Variants in UGT1A8 observed in about 807,000 individuals in gnomAD.
UGT1A8 encodes UDP-glucuronosyltransferase 1A8.
A neutral mutation model predicts 45.3 loss-of-function variants in UGT1A8; 39 were observed. The observed-to-expected ratio is 0.86, with a 90% CI of 0.67 to 1.12. The LOEUF (loss-of-function observed/expected upper bound fraction) is 1.12, where lower values mean the gene tolerates loss of function less well. Ranked by LOEUF, UGT1A8 falls within the 50% of genes most tolerant of loss-of-function variation. The pLI, the probability that UGT1A8 is intolerant of heterozygous loss-of-function variation, is 0.00. For synonymous variants in UGT1A8, 275 were observed against 249.2 expected (o/e 1.10, Z -0.97); for missense variants, 719 against 664.9 (o/e 1.08, Z -0.90).
At chr2:233,700,178 C>A (rs1315960228) in intron 1 of UGT1A8, among the ~76,000 whole-genome samples, 2 of 152,190 alleles carry the variant, frequency 1.3e-5, no homozygotes, top group Non-Finnish European at 2.9e-5. Context: ...CTCATTCAGG[C>A]TGAAATCTCA....
chr2:233,618,278 C>A lies in UGT1A8; in HGVS notation c.571C>A (p.Pro191Thr). 1 of 1,613,896 alleles carries A rather than the reference C, an allele frequency of 6.2e-7. No homozygotes were observed. Among genetic ancestry groups the A allele is most frequent in the Non-Finnish European group, 8.5e-7 (1 of 1,179,858 alleles). Residue 191 changes from proline (P) to threonine (T), a missense_variant, in exon 1 of 5, where the codon CCC (proline) becomes ACC (threonine). Pro to Thr is a conservative substitution (Grantham distance 38). Coordinates refer to ENST00000373450, the MANE Select transcript of UGT1A8 (RefSeq NM_019076.5). ...GTGCCCTGCTCCTCTTTCCTATGTC[C>A]CCAGAATTCTCTTAGGGTTCTCAGA... is the stretch of plus-strand genomic sequence containing the variant. ...AQCPAPLSYVPRILLGFSDAM... is the reference protein window; with the variant it reads ...AQCPAPLSYVTRILLGFSDAM...
intron 1 of UGT1A8, among the ~76,000 whole-genome samples, chr2:233,715,035 T>C (rs2076429171): frequency 6.6e-6 from 1 of 152,024 alleles, no homozygotes; most frequent in East Asian, 1.9e-4. Flanking sequence ...TGGCACCACA[T>C]CCAGCTAATT....
intron 1 of UGT1A8, among the ~76,000 whole-genome samples, chr2:233,750,279 C>G (rs577374317): frequency 6.6e-6 from 1 of 152,046 alleles, no homozygotes; most frequent in East Asian, 1.9e-4. Flanking sequence ...AGCAAAGAGA[C>G]TGGTGGCATT....
Position 233,767,097 on chromosome 2 carries a change from A to G in UGT1A8, c.919A>G (p.Met307Val), listed in dbSNP as rs1699317728. ...HGIVVFSLGS[M>V]VSEIPEKKAM... The stretch of plus-strand genomic sequence containing the variant: ...AATTGTGGTTTTCTCTTTGGGATCA[A>G]TGGTCTCAGAAATTCCAGAGAAGAA... The change falls in exon 2 of 5, where the codon ATG becomes GTG. Residue 307 changes from methionine (M) to valine (V), a missense_variant. Transcript: ENST00000373450. 1 of 1,614,142 alleles carries G rather than the reference A, an allele frequency of 6.2e-7. No individual in the cohort carries two copies. Among genetic ancestry groups the G allele is most frequent in the Non-Finnish European group, 8.5e-7 (1 of 1,180,030 alleles).
At chr2:233,647,950 T>A (rs909744527) in intron 1 of UGT1A8, 3 of 1,606,610 alleles carry the variant, frequency 1.9e-6, no homozygotes, top group Non-Finnish European at 2.6e-6. Flanking sequence ...GAGCCACTGG[T>A]TCACCATGTG....
At chr2:233,650,519 G>A (rs959199954) in intron 1 of UGT1A8, among the ~76,000 whole-genome samples, 1 of 152,194 alleles carries the variant, frequency 6.6e-6, no homozygotes, top group African/African-American at 2.4e-5. Context: ...GGTATGGATG[G>A]TCTGCTGGTG....
chr2:233,761,974 C>T (rs914774281), intron 1 of UGT1A8, among the ~76,000 whole-genome samples: 3 of 152,214 alleles, frequency 2.0e-5, no homozygotes, highest in African/African-American at 7.2e-5. Context: ...CTGATATCAC[C>T]TTCGGAGGTG....
intron 1 of UGT1A8, among the ~76,000 whole-genome samples, chr2:233,707,927 A>G (rs1373528154): frequency 6.6e-6 from 1 of 152,184 alleles, no homozygotes; most frequent in Non-Finnish European, 1.5e-5. Context: ...TTTAAAATAT[A>G]CTTATCAGTC....
chr2:233,749,814 T>C (rs951105241), intron 1 of UGT1A8, among the ~76,000 whole-genome samples: 1 of 151,928 alleles, frequency 6.6e-6, no homozygotes, highest in African/African-American at 2.4e-5. Flanking sequence ...AAGCTCTTCC[T>C]CTTTCTCTCT....
intron 1 of UGT1A8, among the ~76,000 whole-genome samples, chr2:233,724,130 C>A (rs2077172730): frequency 2.5e-5 from 3 of 120,862 alleles, no homozygotes; most frequent in Non-Finnish European, 3.4e-5. Flanking sequence ...CCCCTCACCT[C>A]CCGGACGGGG....
At chr2:233,661,623 T>TTTTCTTCC (rs1553602623) in intron 1 of UGT1A8, among the ~76,000 whole-genome samples, 11 of 123,952 alleles carry the variant, frequency 8.9e-5, no homozygotes, top group African/African-American at 3.2e-4. Context: ...ACTTACTGAA[T>TTTTCTTCC]TTTCTTTCTT....
At chr2:233,645,626 G>A (rs780236144) in intron 1 of UGT1A8, among the ~76,000 whole-genome samples, 1 of 152,200 alleles carries the variant, frequency 6.6e-6, no homozygotes, top group African/African-American at 2.4e-5. Flanking sequence ...ATCCGGCAGG[G>A]CAGTCAAATC....
intron 1 of UGT1A8, among the ~76,000 whole-genome samples, chr2:233,684,669 A>G (rs2074690541): frequency 6.6e-6 from 1 of 152,172 alleles, no homozygotes; most frequent in African/African-American, 2.4e-5. Flanking sequence ...TAAGGAATAT[A>G]CATATGATAG....
intron 1 of UGT1A8, among the ~76,000 whole-genome samples, chr2:233,673,449 A>T (rs1417068364): frequency 6.6e-6 from 1 of 152,102 alleles, no homozygotes; most frequent in East Asian, 1.9e-4. Context: ...ACTCTTTAAT[A>T]CTTTCCTTAC....
At chr2:233,671,566 C>G (rs2125500715) in intron 1 of UGT1A8, among the ~76,000 whole-genome samples, 1 of 152,156 alleles carries the variant, frequency 6.6e-6, no homozygotes, top group East Asian at 1.9e-4. Context: ...TGCTCTGGGA[C>G]AAATTCCAAA....
rs73999011 is a variant in UGT1A8, at chr2:233,757,577, C to G, written c.856-9457C>G. 5.1e-3 allele frequency among the ~76,000 whole-genome samples: 424 copies of G among 82,900 alleles called. 2 individuals are homozygous for G. Among genetic ancestry groups the G allele is most frequent in the African/African-American group, 0.022 (407 of 18,728 alleles). The allele number at this position is 82,900 out of a possible 152,430, so 54.4% of individuals were successfully genotyped here. On this transcript the variant is annotated intron_variant, in intron 1 of 4. Transcript: ENST00000373450. ...ATATATATATGTATATATGATATAGCTATAGTCTAATAGCAAGGACAGATA... is the reference window on the plus strand; with the variant it reads ...ATATATATATGTATATATGATATAGGTATAGTCTAATAGCAAGGACAGATA...
intron 1 of UGT1A8, among the ~76,000 whole-genome samples, chr2:233,715,584 C>T (rs562671697): frequency 6.6e-6 from 1 of 151,992 alleles, no homozygotes; most frequent in Admixed American, 6.6e-5. Context: ...GCAGCCTGGG[C>T]AACATGCTGA....
At chr2:233,750,904 G>C (rs1235200101) in intron 1 of UGT1A8, among the ~76,000 whole-genome samples, 1 of 151,906 alleles carries the variant, frequency 6.6e-6, no homozygotes, top group Non-Finnish European at 1.5e-5. Context: ...ACCTCTGCTA[G>C]AGAAGGGTGG....
chr2:233,647,866 T>C, intron 1 of UGT1A8: 1 of 1,378,552 alleles, frequency 7.3e-7, no homozygotes, highest in East Asian at 2.4e-5. Context: ...ATTGTTTTTC[T>C]ATTTCCTATT....
Sources: gnomAD v4.1 joint callset for allele counts (sites outside exome capture counted in the v4.1 genomes callset) on GRCh38, gnomAD v4.1.1 for gene constraint, MANE v1.5 for transcripts, NCBI Gene and HGNC (gene_info 2026-07-23, HGNC 2026-07-21) for gene names.